The following PCDHA7 variants were observed in gnomAD, a reference collection of about 807,000 sequenced individuals.
PCDHA7 encodes the protein protocadherin alpha-7.
Under a neutral mutation model 57.2 loss-of-function variants are expected in PCDHA7, and 37 were observed. The ratio of observed to expected loss-of-function variants is 0.65; its 90% confidence interval spans 0.50 to 0.85. PCDHA7 has a LOEUF of 0.85. Among genes scored for constraint, PCDHA7 ranks in the 40% least tolerant of loss-of-function variants. PCDHA7 has a pLI of 0.00. For synonymous variants in PCDHA7, 553 were observed against 558.8 expected (o/e 0.99, Z 0.15); for missense variants, 1,188 against 1,241.8 (o/e 0.96, Z 0.65).
chr5:140,907,631 C>T (rs1338354291), intron 1 of PCDHA7, among the ~76,000 whole-genome samples: 1 of 152,216 alleles, frequency 6.6e-6, no homozygotes, highest in African/African-American at 2.4e-5. Flanking sequence ...GTGTTGGTCT[C>T]TGCTGCTGGC....
Position 140,850,689 on chromosome 5 carries a change from T to G in PCDHA7, c.2355+13951T>G, listed in dbSNP as rs1554144776. On this transcript the variant is annotated intron_variant, in intron 1 of 3. Coordinates refer to ENST00000525929, the MANE Select transcript of PCDHA7 (RefSeq NM_018910.3). ...CTCGGCGATGCCCACCGAGGGCGAG[T>G]GCGCGCCTGGCAAGCCGACGCTGGT... The G allele has an allele frequency of 2.5e-6, 4 of 1,594,816 alleles. No individual in the cohort carries two copies. In the South Asian group the frequency reaches 3.3e-5, roughly 13 times the overall value.
At chr5:140,945,371 A>G (rs926668947) in intron 1 of PCDHA7, among the ~76,000 whole-genome samples, 2 of 152,104 alleles carry the variant, frequency 1.3e-5, no homozygotes, top group African/African-American at 4.8e-5. Context: ...AAATGTCCAT[A>G]TTACCCAAAG....
chr5:140,909,545 C>T (rs2074570694), intron 1 of PCDHA7, among the ~76,000 whole-genome samples: 2 of 152,142 alleles, frequency 1.3e-5, no homozygotes, highest in African/African-American at 4.8e-5. Context: ...TTGATGGTGG[C>T]ACTAATCTCT....
At chr5:140,863,623 T>C (rs782448471) in intron 1 of PCDHA7, 49 of 322,260 alleles carry the variant, frequency 1.5e-4, no homozygotes, top group Non-Finnish European at 1.9e-4. Context: ...CATAGTGACA[T>C]TGATAATGTT....
rs2150432258 is a variant in PCDHA7 at position 140,849,188 on chromosome 5, G to T, written c.2355+12450G>T. Reference sequence around the variant, plus strand: ...CTGGCACCGTTCAATTACTCATCACGGTACTGGACAACAATGACAATGCCC... The same window carrying T: ...CTGGCACCGTTCAATTACTCATCACTGTACTGGACAACAATGACAATGCCC... On this transcript the variant is annotated intron_variant, in intron 1 of 3. Transcript: ENST00000525929. The T allele has an allele frequency of 1.1e-3, 1,187 of 1,054,992 alleles. 42 individuals carry two copies. In the African/African-American group the frequency reaches 0.02, roughly 18 times the overall value. The allele number at this position is 1,054,992 out of a possible 1,614,324, so 65.4% of individuals were successfully genotyped here. A position where few individuals can be genotyped will look rare whatever the true frequency, so the allele number is the denominator to read the frequency against.
At chr5:140,884,310 GGGCGTC>G (rs1301213144) in intron 1 of PCDHA7, 7 of 1,613,674 alleles carry the variant, frequency 4.3e-6, no homozygotes, top group Non-Finnish European at 5.9e-6. Flanking sequence ...GCTTCGTCGA[GGGCGTC>G]GGCAGGCGCT....
At chr5:140,929,391 A>G in intron 1 of PCDHA7, 1 of 1,511,404 alleles carries the variant, frequency 6.6e-7, no homozygotes, top group South Asian at 1.4e-5. Flanking sequence ...GTTTTGAAAT[A>G]TTTCTTAGAC....
intron 1 of PCDHA7, among the ~76,000 whole-genome samples, chr5:140,872,998 G>C (rs2054022914): frequency 6.6e-6 from 1 of 152,060 alleles, no homozygotes; most frequent in African/African-American, 2.4e-5. Flanking sequence ...TTACTTCTGA[G>C]TCATTCTTCA....
chr5:140,857,674 G>A lies in PCDHA7; in HGVS notation c.2355+20936G>A, dbSNP rs1581464423. 2.5e-6 allele frequency: 4 copies of A among 1,596,892 alleles called. No individual in the cohort carries two copies. In the East Asian group the frequency reaches 6.7e-5, roughly 27 times the overall value. ...TGAGCGCGCGCGATGGGGGCGTGCC[G>A]CCTCTGGGCAGCAACTTGACGCTGC... On this transcript the variant is annotated intron_variant, in intron 1 of 3. Coordinates refer to ENST00000525929, the MANE Select transcript of PCDHA7 (RefSeq NM_018910.3).
At chr5:140,868,000 C>G (rs2050232725) in intron 1 of PCDHA7, 1 of 152,022 alleles carries the variant, frequency 6.6e-6, no homozygotes, top group Non-Finnish European at 1.5e-5. Flanking sequence ...ATGAATATAA[C>G]TGAATTAGAT....
Position 140,877,109 on chromosome 5 carries a change from G to A in PCDHA7, c.2355+40371G>A, listed in dbSNP as rs370191624. ...CGCGACGCCGGCGTGCCGCCTCTGG[G>A]CAGCAACGTGACGCTGCAGGTGTTC... is the stretch of plus-strand genomic sequence containing the variant. On this transcript the variant is annotated intron_variant, in intron 1 of 3. Transcript: ENST00000525929. The A allele has an allele frequency of 9.3e-6, 15 of 1,613,472 alleles. No individual in the cohort carries two copies. In the African/African-American group the frequency reaches 1.9e-4, roughly 20 times the overall value.
At chr5:140,864,304 A>G (rs2048411725) in intron 1 of PCDHA7, 1 of 152,230 alleles carries the variant, frequency 6.6e-6, no homozygotes, top group East Asian at 1.9e-4. Flanking sequence ...CAAAAATACC[A>G]TGACAATATT....
chr5:140,877,874 C>A, intron 1 of PCDHA7: 1 of 1,477,456 alleles, frequency 6.8e-7, no homozygotes, highest in Non-Finnish European at 9.0e-7. Flanking sequence ...ATATTTGTTT[C>A]CTTGAAGAAC....
chr5:140,999,751 G>A (rs1167424188), intron 3 of PCDHA7, among the ~76,000 whole-genome samples: 1 of 152,150 alleles, frequency 6.6e-6, no homozygotes, highest in Non-Finnish European at 1.5e-5. Flanking sequence ...TGGGTTCGCA[G>A]CACATGATGT....
intron 1 of PCDHA7, among the ~76,000 whole-genome samples, chr5:140,923,204 C>T (rs1175108066): frequency 1.3e-5 from 2 of 151,950 alleles, no homozygotes; most frequent in Non-Finnish European, 2.9e-5. Flanking sequence ...ATTTGGGAGG[C>T]TAAGGTGAAA....
intron 1 of PCDHA7, chr5:140,875,916 G>GC: frequency 6.2e-7 from 1 of 1,614,086 alleles, no homozygotes. Context: ...CTGCGCCTCT[G>GC]GACTCTCATT....
At chr5:140,968,245 C>T (rs2096233117) in intron 1 of PCDHA7, 2 of 1,614,038 alleles carry the variant, frequency 1.2e-6, no homozygotes, top group Non-Finnish European at 1.7e-6. Flanking sequence ...CTGTGCAAGC[C>T]ACAGACCCAG....
intron 1 of PCDHA7, among the ~76,000 whole-genome samples, chr5:140,874,129 G>A (rs1400596915): frequency 6.6e-6 from 1 of 151,518 alleles, no homozygotes; most frequent in African/African-American, 2.5e-5. Context: ...GTTTATTTAA[G>A]TTATCTTATA....
intron 1 of PCDHA7, chr5:140,852,238 A>G: frequency 1.7e-6 from 1 of 575,312 alleles, no homozygotes; most frequent in South Asian, 7.7e-5. Context: ...ATTTTCCCTT[A>G]AAACACACTT....
Sources: allele counts gnomAD v4.1 joint callset (sites outside exome capture counted in the v4.1 genomes callset), GRCh38; gene constraint gnomAD v4.1.1; transcripts MANE v1.5; gene names NCBI Gene and HGNC (gene_info 2026-07-23, HGNC 2026-07-21).